DPH6: variants seen among roughly 807,000 people sequenced by gnomAD.
The protein encoded by DPH6 is diphthamine biosynthesis 6.
DPH6 carries 33 observed loss-of-function variants against 38.2 expected under a neutral mutation model. That is an observed-to-expected ratio of 0.86 (90% CI 0.65 to 1.15). The LOEUF is 1.15. DPH6 is among the 50% of genes most tolerant of loss of function. The pLI, the probability that DPH6 is intolerant of heterozygous loss-of-function variation, is 0.00. For missense variants in DPH6, 325 were observed against 320.0 expected (o/e 1.02, Z -0.12); for synonymous variants, 108 against 103.0 (o/e 1.05, Z -0.30).
chr15:35,526,995 A>C (rs2141248679), intron 3 of DPH6, among the ~76,000 whole-genome samples: 1 of 152,270 alleles, frequency 6.6e-6, no homozygotes, highest in African/African-American at 2.4e-5. Context: ...TAGGCACCAA[A>C]TGTAGAAGGA....
At chr15:35,205,915 C>T in the DPH6 span, among the ~76,000 whole-genome samples, 1 of 152,080 alleles carries the variant, frequency 6.6e-6, no homozygotes, top group African/African-American at 2.4e-5. Context: ...AAAAAGTGGT[C>T]ACTACCATTA....
chr15:35,299,813 C>CT (rs886739226), intron 3 of DPH6, among the ~76,000 whole-genome samples: 8 of 152,148 alleles, frequency 5.3e-5, no homozygotes, highest in Admixed American at 1.3e-4. Flanking sequence ...TGAAAGTATT[C>CT]TTTTTTGTGC....
intron 3 of DPH6, among the ~76,000 whole-genome samples, chr15:35,363,959 T>A (rs1221071501): frequency 2.0e-5 from 3 of 152,036 alleles, no homozygotes; most frequent in African/African-American, 7.2e-5. Context: ...TTTATTTAAT[T>A]CTATGTAGAT....
intron 6 of DPH6, among the ~76,000 whole-genome samples, chr15:35,394,838 T>C (rs768109723): frequency 1.5e-4 from 23 of 152,186 alleles, no homozygotes; most frequent in Non-Finnish European, 2.8e-4. Flanking sequence ...GGGCTGCTAA[T>C]TTTATTTTTT....
chr15:35,517,654 C>T (rs1271238717), intron 3 of DPH6, among the ~76,000 whole-genome samples: 1 of 151,688 alleles, frequency 6.6e-6, no homozygotes, highest in African/African-American at 2.4e-5. Context: ...AAGTGATATA[C>T]AAAAAACAAT....
chr15:35,433,539 T>C (rs2053658047), intron 5 of DPH6, among the ~76,000 whole-genome samples: 1 of 152,182 alleles, frequency 6.6e-6, no homozygotes, highest in Non-Finnish European at 1.5e-5. Flanking sequence ...ATTTTAGGTT[T>C]TGTAGGCAAA....
chr15:35,164,073 C>G, the DPH6 span, among the ~76,000 whole-genome samples: 4 of 151,722 alleles, frequency 2.6e-5, no homozygotes, highest in African/African-American at 7.3e-5. Context: ...CCCAGCAAAC[C>G]TGTAAAAGTT....
intron 3 of DPH6, among the ~76,000 whole-genome samples, chr15:35,458,880 A>G (rs1295927764): frequency 6.6e-6 from 1 of 152,240 alleles, no homozygotes; most frequent in Non-Finnish European, 1.5e-5. Context: ...TAATCAAGAT[A>G]GACATCATTT....
Position 35,452,382 on chromosome 15 carries a change from C to G in DPH6, c.387-1579G>C, listed in dbSNP as rs545618248. ...AACTGGCTGAGATCAGATTTCAAAC[C>G]AAGAATATAGCTCTAAAACCCAGTG... On this transcript the variant is annotated intron_variant, in intron 4 of 8. Transcript: ENST00000256538. Among the ~76,000 whole-genome samples, 7 of 152,200 alleles carry G rather than the reference C, an allele frequency of 4.6e-5. No homozygotes were observed. The South Asian group carries it at 1.5e-3, about 32-fold the overall frequency.
intron 3 of DPH6, among the ~76,000 whole-genome samples, chr15:35,257,751 A>G (rs1481860243): frequency 1.4e-5 from 2 of 141,124 alleles, no homozygotes; most frequent in Non-Finnish European, 3.1e-5. Context: ...TCAAAACAGT[A>G]TTATTTTCTT....
intron 3 of DPH6, among the ~76,000 whole-genome samples, chr15:35,224,029 T>G (rs1158575325): frequency 1.3e-5 from 2 of 151,964 alleles, no homozygotes; most frequent in East Asian, 3.9e-4. Context: ...CATGTAGCCT[T>G]TTCAGATAAT....
intron 5 of DPH6, among the ~76,000 whole-genome samples, chr15:35,440,922 A>G (rs1249821479): frequency 6.6e-6 from 1 of 152,244 alleles, no homozygotes; most frequent in African/African-American, 2.4e-5. Flanking sequence ...CAAAGGACAA[A>G]TATCCAGAAT....
chr15:35,266,172 C>T lies in DPH6; in HGVS notation n.201-45590G>A, dbSNP rs937827124. 3.3e-5 allele frequency among the ~76,000 whole-genome samples: 5 copies of T among 152,094 alleles called. No homozygotes were observed. In the South Asian group the frequency reaches 8.3e-4, roughly 25 times the overall value. ...CACAGGCTGCTATTCAGTAATGCTT[C>T]GTATTGTAACAGCAAACTTACAGGA... On this transcript the variant is annotated intron_variant and non_coding_transcript_variant, in intron 3 of 3. Transcript: ENST00000560386.
At chr15:35,531,856 C>T (rs959085964) in intron 3 of DPH6, among the ~76,000 whole-genome samples, 2 of 152,110 alleles carry the variant, frequency 1.3e-5, no homozygotes, top group African/African-American at 4.8e-5. Context: ...ATGTCAGGAA[C>T]TCTGCTAGGA....
chr15:35,546,085 T>C, intron 1 of DPH6, 34 bp downstream of exon 1: 1 of 1,374,846 alleles, frequency 7.3e-7, no homozygotes. Flanking sequence ...GAGCCTGGCC[T>C]AGGAGGAAGG....
At chr15:35,453,404 C>T (rs1443504612) in intron 4 of DPH6, among the ~76,000 whole-genome samples, 1 of 152,052 alleles carries the variant, frequency 6.6e-6, no homozygotes, top group African/African-American at 2.4e-5. Flanking sequence ...CCCATTAAAG[C>T]CTGTGGGTTT....
chr15:35,416,807 A>G (rs2141005171), intron 5 of DPH6, among the ~76,000 whole-genome samples: 1 of 152,176 alleles, frequency 6.6e-6, no homozygotes, highest in South Asian at 2.1e-4. Context: ...TGTTCATAGA[A>G]TATATTTTCT....
the DPH6 span, among the ~76,000 whole-genome samples, chr15:35,211,051 C>T: frequency 1.5e-5 from 2 of 135,734 alleles, no homozygotes; most frequent in Non-Finnish European, 3.0e-5. Flanking sequence ...TCTGTTGAGA[C>T]GTTTACTAGA....
intron 5 of DPH6, among the ~76,000 whole-genome samples, chr15:35,436,245 T>A (rs2053700040): frequency 6.6e-6 from 1 of 151,700 alleles, no homozygotes; most frequent in Non-Finnish European, 1.5e-5. Flanking sequence ...GGCAGGCGGA[T>A]CACGAGGTCA....
Sources: gnomAD v4.1 joint callset for allele counts (sites outside exome capture counted in the v4.1 genomes callset) on GRCh38, gnomAD v4.1.1 for gene constraint, MANE v1.5 for transcripts, NCBI Gene and HGNC (gene_info 2026-07-23, HGNC 2026-07-21) for gene names.